The following INPP4B variants were observed in gnomAD, a reference collection of about 807,000 sequenced individuals.
The protein encoded by INPP4B is inositol polyphosphate-4-phosphatase type II B.
A neutral mutation model predicts 122.5 loss-of-function variants in INPP4B; 55 were observed. That is an observed-to-expected ratio of 0.45 (90% CI 0.36 to 0.56). The LOEUF is 0.56. Ranked by LOEUF, INPP4B falls within the 20% of genes least tolerant of loss-of-function variation. The pLI is 0.00. For missense variants in INPP4B, 1,000 were observed against 1,097.7 expected (o/e 0.91, Z 1.26); for synonymous variants, 403 against 388.7 (o/e 1.04, Z -0.43).
chr4:142,823,538 T>C (rs1363564840), intron 1 of INPP4B, among the ~76,000 whole-genome samples: 1 of 152,200 alleles, frequency 6.6e-6, no homozygotes, highest in Non-Finnish European at 1.5e-5. Flanking sequence ...AGATTAAATT[T>C]CTATTAATCT....
intron 25 of INPP4B, among the ~76,000 whole-genome samples, chr4:142,058,356 A>G (rs1758792812): frequency 6.6e-6 from 1 of 152,128 alleles, no homozygotes; most frequent in Non-Finnish European, 1.5e-5. Flanking sequence ...GACTCACTCA[A>G]ATAAAAACAG....
intron 1 of INPP4B, among the ~76,000 whole-genome samples, chr4:142,731,906 G>A (rs1766148890): frequency 1.3e-5 from 2 of 152,096 alleles, no homozygotes; most frequent in Non-Finnish European, 2.9e-5. Context: ...TGGTATCCAG[G>A]AGCAATAGAA....
chr4:142,710,585 A>C (rs969462801), intron 2 of INPP4B, among the ~76,000 whole-genome samples: 18 of 152,222 alleles, frequency 1.2e-4, no homozygotes, highest in African/African-American at 4.1e-4. Flanking sequence ...AGTAGTTTTC[A>C]TGTAACAAAA....
At chr4:142,466,746 T>C (rs1267300202) in intron 2 of INPP4B, among the ~76,000 whole-genome samples, 2 of 152,204 alleles carry the variant, frequency 1.3e-5, no homozygotes, top group Admixed American at 6.5e-5. Flanking sequence ...CCTGCCATCA[T>C]AGGCCCAGAG....
At chr4:142,767,688 T>C (rs937482531) in intron 1 of INPP4B, 6 of 152,004 alleles carry the variant, frequency 3.9e-5, no homozygotes, top group African/African-American at 1.4e-4. Context: ...ATGACAAGAG[T>C]GAGACAGAGC....
At chr4:142,312,588 A>T (rs772902312) in intron 8 of INPP4B, among the ~76,000 whole-genome samples, 2 of 152,152 alleles carry the variant, frequency 1.3e-5, no homozygotes, top group Non-Finnish European at 2.9e-5. Flanking sequence ...GAAACCACAC[A>T]ATGGAACAGC....
chr4:142,055,719 G>A (rs1414909535), intron 25 of INPP4B, among the ~76,000 whole-genome samples: 1 of 150,892 alleles, frequency 6.6e-6, no homozygotes, highest in South Asian at 2.1e-4. Context: ...AGAAAATTGT[G>A]TTCATGGAAT....
chr4:142,247,754 C>T (rs2636679), intron 11 of INPP4B, among the ~76,000 whole-genome samples: 122,301 of 152,024 alleles, frequency 0.8, 49,605 homozygotes, highest in East Asian at 0.93. Flanking sequence ...CCTGGATTCA[C>T]TGACTTTTGG....
intron 2 of INPP4B, among the ~76,000 whole-genome samples, chr4:142,583,923 T>C (rs1017450602): frequency 1.3e-5 from 2 of 152,018 alleles, no homozygotes; most frequent in South Asian, 4.1e-4. Context: ...AATGATTAAA[T>C]AATTCTATTC....
At chr4:142,459,993 G>A (rs575707406) in intron 3 of INPP4B, among the ~76,000 whole-genome samples, 1 of 152,268 alleles carries the variant, frequency 6.6e-6, no homozygotes, top group South Asian at 2.1e-4. Context: ...CTTTCTCAGT[G>A]TTTTGTATTT....
At chr4:142,165,593 C>T (rs983811037) in intron 16 of INPP4B, among the ~76,000 whole-genome samples, 2 of 151,464 alleles carry the variant, frequency 1.3e-5, no homozygotes, top group South Asian at 2.1e-4. Flanking sequence ...TTTGTGATAC[C>T]CAGTAATGTT....
chr4:142,825,627 A>G (rs1324002304), intron 1 of INPP4B, among the ~76,000 whole-genome samples: 1 of 152,126 alleles, frequency 6.6e-6, no homozygotes, highest in Non-Finnish European at 1.5e-5. Flanking sequence ...TAGAGCCACA[A>G]GTGCTTTTGT....
At position 142,308,031 on chromosome 4, in the gene INPP4B, A is replaced by G. The variant is rs532804010; in HGVS notation, c.424-2494T>C. Among the ~76,000 whole-genome samples the G allele has an allele frequency of 2.6e-5, 4 of 152,232 alleles. No individual in the cohort carries two copies. In the South Asian group the frequency reaches 6.2e-4, roughly 24 times the overall value. On this transcript the variant is annotated intron_variant, in intron 8 of 25. Transcript: ENST00000262992. ...GGCACAGCTGCAAGTAAAATTTATG[A>G]CCGCAAGTCATTGAATGTTTCTCCT...
At chr4:142,200,694 A>G (rs974130489) in intron 14 of INPP4B, among the ~76,000 whole-genome samples, 1 of 152,066 alleles carries the variant, frequency 6.6e-6, no homozygotes, top group Admixed American at 6.6e-5. Flanking sequence ...GATAAGCAAG[A>G]AAACAATCAG....
At chr4:142,171,513 T>G (rs968900920) in intron 16 of INPP4B, among the ~76,000 whole-genome samples, 3 of 151,910 alleles carry the variant, frequency 2.0e-5, no homozygotes, top group African/African-American at 7.2e-5. Flanking sequence ...TTCAATTATA[T>G]TTAAATTTAG....
At chr4:142,155,343 T>C (rs1816624504) in intron 17 of INPP4B, among the ~76,000 whole-genome samples, 1 of 152,118 alleles carries the variant, frequency 6.6e-6, no homozygotes, top group Non-Finnish European at 1.5e-5. Flanking sequence ...GTCTCAATGT[T>C]TTTCTGTAGA....
At chr4:142,737,824 A>G (rs1478817504) in intron 1 of INPP4B, among the ~76,000 whole-genome samples, 1 of 152,256 alleles carries the variant, frequency 6.6e-6, no homozygotes, top group Admixed American at 6.5e-5. Flanking sequence ...TTCTCAAAAG[A>G]AGACATTTAT....
intron 2 of INPP4B, among the ~76,000 whole-genome samples, chr4:142,567,971 G>T (rs1411822673): frequency 6.6e-6 from 1 of 152,086 alleles, no homozygotes; most frequent in East Asian, 1.9e-4. Context: ...TAGTTCATGA[G>T]ATTTGTTAAT....
intron 7 of INPP4B, among the ~76,000 whole-genome samples, chr4:142,351,633 C>T (rs1251870331): frequency 6.6e-6 from 1 of 151,972 alleles, no homozygotes; most frequent in African/African-American, 2.4e-5. Flanking sequence ...CTTTTGGACA[C>T]TGAATAAAAT....
Sources: allele counts gnomAD v4.1 joint callset (sites outside exome capture counted in the v4.1 genomes callset), GRCh38; gene constraint gnomAD v4.1.1; transcripts MANE v1.5; gene names NCBI Gene and HGNC (gene_info 2026-07-23, HGNC 2026-07-21).